Variants in ROBO2 observed in about 807,000 individuals in gnomAD.
ROBO2 encodes the protein roundabout guidance receptor 2.
ROBO2 carries 53 observed loss-of-function variants against 160.8 expected under a neutral mutation model. That is an observed-to-expected ratio of 0.33 (90% confidence interval 0.26 to 0.41). ROBO2 has a LOEUF of 0.41. Among genes scored for constraint, ROBO2 ranks in the 10% least tolerant of loss-of-function variants. The probability of loss-of-function intolerance (pLI) is 1.00; values close to 1 mark genes in which losing one functional copy is unlikely to be tolerated. For synonymous variants in ROBO2, 664 were observed against 611.7 expected (o/e 1.09, Z -1.26); for missense variants, 1,577 against 1,722.4 (o/e 0.92, Z 1.49).
chr3:76,256,411 G>A (rs986834948), intron 2 of ROBO2, among the ~76,000 whole-genome samples: 1 of 145,506 alleles, frequency 6.9e-6, no homozygotes, highest in Non-Finnish European at 1.5e-5. Flanking sequence ...AGATTAAATT[G>A]TATTAATTAG....
At chr3:77,131,034 T>C (rs895464551) in intron 2 of ROBO2, among the ~76,000 whole-genome samples, 1 of 152,146 alleles carries the variant, frequency 6.6e-6, no homozygotes, top group Non-Finnish European at 1.5e-5. Flanking sequence ...ATATATATAT[T>C]ATTGGATAAG....
chr3:76,525,948 C>G (rs1018588471), intron 2 of ROBO2, among the ~76,000 whole-genome samples: 4 of 151,862 alleles, frequency 2.6e-5, no homozygotes, highest in African/African-American at 7.3e-5. Flanking sequence ...TTATGGCACC[C>G]TTGGGCTGAA....
chr3:77,256,914 T>C (rs1348892791), intron 2 of ROBO2, among the ~76,000 whole-genome samples: 2 of 152,198 alleles, frequency 1.3e-5, no homozygotes, highest in African/African-American at 2.4e-5. Flanking sequence ...AAAGCCCTCA[T>C]TGCAACTCAT....
intron 2 of ROBO2, among the ~76,000 whole-genome samples, chr3:76,308,393 A>AAG (rs2071422492): frequency 1.3e-5 from 2 of 151,172 alleles, no homozygotes; most frequent in African/African-American, 2.4e-5. Flanking sequence ...AAAAAAAAAA[A>AAG]AAAAGAAAGA....
intron 2 of ROBO2, among the ~76,000 whole-genome samples, chr3:76,795,346 T>C (rs1442174935): frequency 6.6e-6 from 1 of 152,112 alleles, no homozygotes; most frequent in African/African-American, 2.4e-5. Context: ...TGATTAATAA[T>C]AGCATTTTAC....
At chr3:76,615,442 A>G (rs1389223892) in intron 2 of ROBO2, among the ~76,000 whole-genome samples, 1 of 152,166 alleles carries the variant, frequency 6.6e-6, no homozygotes, top group Non-Finnish European at 1.5e-5. Context: ...TTTTCTGAGC[A>G]AGCCTTTTTA....
At chr3:76,601,679 C>T (rs1453940919) in intron 2 of ROBO2, among the ~76,000 whole-genome samples, 3 of 152,176 alleles carry the variant, frequency 2.0e-5, no homozygotes, top group Non-Finnish European at 2.9e-5. Flanking sequence ...ACCATTTTCT[C>T]CTAGGCCTCC....
chr3:76,884,864 C>A (rs1411048493), intron 2 of ROBO2, among the ~76,000 whole-genome samples: 1 of 152,086 alleles, frequency 6.6e-6, no homozygotes, highest in Admixed American at 6.6e-5. Flanking sequence ...CTCACTTTCA[C>A]ATCTCCCCAA....
chr3:76,012,481 A>G (rs1178906476), intron 2 of ROBO2, among the ~76,000 whole-genome samples: 2 of 152,174 alleles, frequency 1.3e-5, no homozygotes, highest in East Asian at 3.9e-4. Context: ...TTCCTTTTCA[A>G]GTTGGATTTT....
At chr3:76,243,173 T>C (rs1705403063) in intron 2 of ROBO2, among the ~76,000 whole-genome samples, 2 of 152,172 alleles carry the variant, frequency 1.3e-5, no homozygotes, top group Middle Eastern at 3.2e-3. Context: ...GGTTGCAAAG[T>C]TGACTTTGGT....
At chr3:76,059,362 T>C (rs2067982831) in intron 2 of ROBO2, among the ~76,000 whole-genome samples, 3 of 152,182 alleles carry the variant, frequency 2.0e-5, no homozygotes, top group Non-Finnish European at 1.5e-5. Context: ...TGAGATGGTA[T>C]CTCATTGTGG....
chr3:77,503,145 A>G (rs899964431), intron 5 of ROBO2, among the ~76,000 whole-genome samples: 17 of 152,178 alleles, frequency 1.1e-4, no homozygotes, highest in African/African-American at 3.9e-4. Flanking sequence ...CGATGTGCTT[A>G]TTTCCCACTG....
At chr3:76,352,006 G>T (rs531278876) in intron 2 of ROBO2, among the ~76,000 whole-genome samples, 9 of 151,926 alleles carry the variant, frequency 5.9e-5, no homozygotes, top group Non-Finnish European at 1.3e-4. Context: ...TTAATAATCA[G>T]ATATAAGTTA....
chr3:77,574,505 C>A, exon 14 of ROBO2: 1 of 1,613,020 alleles, frequency 6.2e-7, no homozygotes, highest in Non-Finnish European at 8.5e-7. Flanking sequence ...TCAGGTTGAT[C>A]GCCAACCCCA....
Position 76,391,614 on chromosome 3 carries a change from C to T in ROBO2, c.109+454012C>T, listed in dbSNP as rs191700800. ...TTGGTTCACTGCAGCCTCCGCCTCC[C>T]AGGTACAAGCAATTCTCCTGCCTCA... On this transcript the variant is annotated intron_variant, in intron 2 of 26. Transcript: ENST00000487694. Among the ~76,000 whole-genome samples the T allele has an allele frequency of 5.1e-3, 770 of 152,128 alleles. 8 individuals are homozygous for T. The highest frequency in any genetic ancestry group is 6.4e-3 in the Non-Finnish European group (432 of 67,998).
chr3:76,711,450 C>T (rs264551), intron 2 of ROBO2, among the ~76,000 whole-genome samples: 56,305 of 152,020 alleles, frequency 0.37, 11,505 homozygotes, highest in Non-Finnish European at 0.47. Flanking sequence ...GTACCAACTA[C>T]GTTCATTGTA....
At chr3:76,642,441 C>T (rs771241818) in intron 2 of ROBO2, among the ~76,000 whole-genome samples, 2 of 147,264 alleles carry the variant, frequency 1.4e-5, no homozygotes, top group Non-Finnish European at 1.5e-5. Context: ...CAAATTCTGC[C>T]TCCCGGGTTC....
At chr3:77,085,411 A>T (rs1473510825) in intron 1 of ROBO2, among the ~76,000 whole-genome samples, 1 of 152,094 alleles carries the variant, frequency 6.6e-6, no homozygotes. Context: ...AAGCTATTTT[A>T]TGTCACAAAT....
At chr3:76,556,915 T>C (rs149658559) in intron 2 of ROBO2, among the ~76,000 whole-genome samples, 2,184 of 152,238 alleles carry the variant, frequency 0.014, 16 homozygotes, top group South Asian at 0.028. Flanking sequence ...TGTTCTCTCA[T>C]AGTCATCTCC....
Sources: allele counts gnomAD v4.1 joint callset (sites outside exome capture counted in the v4.1 genomes callset), GRCh38; gene constraint gnomAD v4.1.1; transcripts MANE v1.5; gene names NCBI Gene and HGNC (gene_info 2026-07-23, HGNC 2026-07-21).